The following MYO5A variants were observed in gnomAD, a reference collection of about 807,000 sequenced individuals.
MYO5A encodes myosin VA.
In MYO5A, 98 loss-of-function variants were observed where a neutral mutation model predicts 249.7. That is an observed-to-expected ratio of 0.39 (90% CI 0.33 to 0.46). The LOEUF is 0.46. MYO5A is among the 20% of genes least tolerant of loss of function. MYO5A has a pLI of 0.98. For missense variants in MYO5A, 1,696 were observed against 2,308.8 expected (o/e 0.73, Z 5.44); for synonymous variants, 778 against 810.6 (o/e 0.96, Z 0.68).
Position 52,397,338 on chromosome 15 carries a change from C to T in MYO5A, c.1182G>A (p.Leu394=). The T allele has an allele frequency of 6.2e-7, 1 of 1,614,072 alleles. No homozygotes were observed. The highest frequency in any genetic ancestry group is 1.1e-5 in the South Asian group (1 of 91,064). The change falls in exon 10 of 42, where the codon CTG becomes CTA. Residue 394 remains leucine, a synonymous_variant. Transcript: ENST00000399233. ...AAGCATCGCGGGCATTCGTGGCCTGCAGCTTGGAGATGGGCTTGATGTATG... is the reference window on the plus strand; with the variant it reads ...AAGCATCGCGGGCATTCGTGGCCTGTAGCTTGGAGATGGGCTTGATGTATG... ...TETYIKPISK[L]QATNARDALA...
intron 33 of MYO5A, 151 bp from the exon 34 acceptor site, chr15:52,336,707 CA>C: frequency 1.5e-6 from 1 of 650,098 alleles, no homozygotes; most frequent in Non-Finnish European, 2.7e-6. Context: ...AATTGGCAGG[CA>C]TGGGAAATGC....
chr15:52,420,302 A>G (rs1363107482), intron 4 of MYO5A, among the ~76,000 whole-genome samples: 1 of 114,636 alleles, frequency 8.7e-6, no homozygotes, highest in Non-Finnish European at 1.7e-5. Context: ...GAGACCCTGT[A>G]TTACAAAAAA....
chr15:52,482,680 G>A (rs764466400), intron 1 of MYO5A, among the ~76,000 whole-genome samples: 14 of 151,866 alleles, frequency 9.2e-5, no homozygotes, highest in Non-Finnish European at 1.5e-4. Flanking sequence ...CTGTGGAGGA[G>A]GGCAATCTGC....
intron 36 of MYO5A, 94 bp from the exon 37 acceptor site, chr15:52,323,538 G>A: frequency 1.2e-6 from 1 of 835,312 alleles, no homozygotes; most frequent in East Asian, 2.6e-5. Context: ...ATTTCTTTCA[G>A]TTACCATTAT....
intron 34 of MYO5A, 120 bp downstream of exon 34, chr15:52,336,342 AT>A: frequency 2.9e-6 from 2 of 684,788 alleles, no homozygotes; most frequent in Non-Finnish European, 5.2e-6. Context: ...CAAAAGTCAT[AT>A]TTTGTTATTA....
chr15:52,452,662 T>C (rs960507165), intron 1 of MYO5A, among the ~76,000 whole-genome samples: 4 of 151,954 alleles, frequency 2.6e-5, no homozygotes, highest in Non-Finnish European at 5.9e-5. Context: ...TTTGGGACCA[T>C]CCTCATTCAG....
intron 1 of MYO5A, among the ~76,000 whole-genome samples, chr15:52,511,527 A>G (rs920387575): frequency 6.6e-6 from 1 of 152,238 alleles, no homozygotes; most frequent in Admixed American, 6.5e-5. Context: ...TTAAATATGC[A>G]TGCAAGAGCT....
chr15:52,321,201 T>A (rs140532322), intron 38 of MYO5A, among the ~76,000 whole-genome samples, 158 bp downstream of exon 38: 233 of 152,360 alleles, frequency 1.5e-3, no homozygotes, highest in African/African-American at 5.2e-3. Flanking sequence ...TAACTATGGC[T>A]GGGTTTCTGG....
chr15:52,459,778 C>A (rs561418325), intron 1 of MYO5A, among the ~76,000 whole-genome samples: 1 of 148,100 alleles, frequency 6.8e-6, no homozygotes, highest in South Asian at 2.2e-4. Context: ...CCAGACGGGG[C>A]GGCGGCCGGG....
intron 22 of MYO5A, among the ~76,000 whole-genome samples, chr15:52,367,459 T>C (rs376267805): frequency 6.6e-6 from 1 of 151,998 alleles, no homozygotes; most frequent in South Asian, 2.1e-4. Context: ...TTACTTTACA[T>C]TAAACATTAA....
intron 21 of MYO5A, 62 bp from the exon 22 acceptor site, chr15:52,370,479 G>GA (rs201598303): frequency 4.0e-6 from 6 of 1,511,330 alleles, no homozygotes; most frequent in Non-Finnish European, 5.5e-6. Context: ...TATTTAGTAA[G>GA]AAAACCATGT....
Position 52,511,504 on chromosome 15 carries a change from G to C in MYO5A, c.27+17276C>G, listed in dbSNP as rs192748431. Among the ~76,000 whole-genome samples, 132 of 152,298 alleles carry C rather than the reference G, an allele frequency of 8.7e-4. 1 individual carries two copies. Among genetic ancestry groups the C allele is most frequent in the African/African-American group, 3.1e-3 (127 of 41,554 alleles). On this transcript the variant is annotated intron_variant, in intron 1 of 41. Transcript: ENST00000399233. ...AAAGCCAACAGCTTCTGAGCAATGA[G>C]GCTATCATTCCATTAAATATGCATG...
At chr15:52,332,511 A>G (rs533787595) in intron 34 of MYO5A, among the ~76,000 whole-genome samples, 1 of 152,322 alleles carries the variant, frequency 6.6e-6, no homozygotes, top group East Asian at 1.9e-4. Context: ...TTGGTACTGT[A>G]TAAAAATGTC....
chr15:52,505,392 C>T (rs1057111261), intron 1 of MYO5A: 2 of 789,290 alleles, frequency 2.5e-6, no homozygotes, highest in Admixed American at 1.7e-5. Context: ...AAAAGGCCAG[C>T]CTGCCAGGAG....
chr15:52,350,268 A>G (rs1487096483), intron 28 of MYO5A, among the ~76,000 whole-genome samples: 1 of 152,226 alleles, frequency 6.6e-6, no homozygotes, highest in Non-Finnish European at 1.5e-5. Context: ...CCATTTCTCT[A>G]TATAACTCCA....
intron 28 of MYO5A, 21 bp from the exon 29 acceptor site, chr15:52,348,847 A>G: frequency 6.2e-7 from 1 of 1,605,554 alleles, no homozygotes. Context: ...CAAGTCAGCA[A>G]GCACAAAAAA....
At chr15:52,364,419 GGTGAATAT>G in intron 24 of MYO5A, 127 bp downstream of exon 24, 1 of 749,218 alleles carries the variant, frequency 1.3e-6, no homozygotes, top group South Asian at 1.8e-5. Flanking sequence ...TGGAATGGGA[GGTGAATAT>G]GTGTTGAACA....
chr15:52,321,395 C>T lies in MYO5A; in HGVS notation c.4915G>A (p.Val1639Met), dbSNP rs775270803. 1.2e-5 allele frequency: 19 copies of T among 1,614,066 alleles called. No homozygotes were observed. The highest frequency in any genetic ancestry group is 5.0e-5 in the Admixed American group (3 of 60,006). The change falls in exon 38 of 42, where the codon GTG becomes ATG. Residue 1639 changes from valine to methionine, a missense_variant. Val to Met is a conservative substitution (Grantham distance 21, BLOSUM62 1). Transcript: ENST00000399233. The part of the protein sequence containing the change: ...DLAIQIYQQL[V>M]RVLENILQPM... ...TGAAGGATGTTCTCTAACACCCGCA[C>T]GAGCTGCTGGTAGATCTGAATGGCC...
intron 1 of MYO5A, among the ~76,000 whole-genome samples, chr15:52,498,718 T>C (rs2077092735): frequency 6.6e-6 from 1 of 152,244 alleles, no homozygotes; most frequent in Non-Finnish European, 1.5e-5. Context: ...AATATTTTCC[T>C]GTTCTGTCAG....
Sources: gnomAD v4.1 joint callset for allele counts (sites outside exome capture counted in the v4.1 genomes callset) on GRCh38, gnomAD v4.1.1 for gene constraint, MANE v1.5 for transcripts, NCBI Gene and HGNC (gene_info 2026-07-23, HGNC 2026-07-21) for gene names.